The following SYT1 variants were observed in gnomAD, a reference collection of about 807,000 sequenced individuals.
The protein encoded by SYT1 is synaptotagmin 1, also known as synaptotagmin-1.
In SYT1, 8 loss-of-function variants were observed where a neutral mutation model predicts 44.8. The ratio of observed to expected loss-of-function variants is 0.18; its 90% CI spans 0.10 to 0.32. The LOEUF (loss-of-function observed/expected upper bound fraction) is 0.32. Ranked by LOEUF, SYT1 falls within the 10% of genes least tolerant of loss-of-function variation. SYT1 has a pLI of 1.00. For synonymous variants in SYT1, 154 were observed against 188.8 expected, an observed-to-expected ratio of 0.82 and a Z score of 1.51; for missense variants, 286 against 509.3, an observed-to-expected ratio of 0.56 and a Z score of 4.22.
At chr12:79,332,233 A>T (rs1335756187) in intron 8 of SYT1, among the ~76,000 whole-genome samples, 1 of 152,192 alleles carries the variant, frequency 6.6e-6, no homozygotes, top group Non-Finnish European at 1.5e-5. Flanking sequence ...ATTCAAATTC[A>T]CATCATACAT....
intron 1 of SYT1, among the ~76,000 whole-genome samples, chr12:78,954,372 T>C (rs1879111199): frequency 6.6e-6 from 1 of 152,098 alleles, no homozygotes; most frequent in African/African-American, 2.4e-5. Flanking sequence ...TTTGATTTTT[T>C]TCCACTTTTT....
chr12:79,366,143 G>A (rs1280209373), intron 9 of SYT1, among the ~76,000 whole-genome samples: 3 of 152,162 alleles, frequency 2.0e-5, no homozygotes, highest in African/African-American at 2.4e-5. Context: ...TGTCTTTAAT[G>A]TAGTGAAAAT....
chr12:79,130,160 A>G (rs1868715484), intron 3 of SYT1, among the ~76,000 whole-genome samples: 1 of 152,110 alleles, frequency 6.6e-6, no homozygotes, highest in Non-Finnish European at 1.5e-5. Context: ...TGGAAAGAAT[A>G]TTTTTTCAGG....
chr12:79,055,948 A>G (rs1264460919), intron 3 of SYT1, among the ~76,000 whole-genome samples: 2 of 152,048 alleles, frequency 1.3e-5, no homozygotes, highest in Non-Finnish European at 2.9e-5. Context: ...AGATTATAAT[A>G]TCAGATTTTT....
intron 9 of SYT1, among the ~76,000 whole-genome samples, chr12:79,388,349 G>A (rs1186224002): frequency 6.6e-6 from 1 of 152,158 alleles, no homozygotes; most frequent in Non-Finnish European, 1.5e-5. Context: ...CTTTAAGGGG[G>A]AAAAGTCTGC....
intron 4 of SYT1, among the ~76,000 whole-genome samples, chr12:79,243,691 T>G (rs1432150348): frequency 6.6e-6 from 1 of 152,008 alleles, no homozygotes; most frequent in African/African-American, 2.4e-5. Flanking sequence ...AAACCTCTAC[T>G]CCTTAAATGT....
intron 1 of SYT1, among the ~76,000 whole-genome samples, chr12:78,877,813 G>A (rs941923503): frequency 2.0e-4 from 31 of 151,702 alleles, no homozygotes; most frequent in African/African-American, 6.8e-4. Context: ...ATTTTTTGTA[G>A]AGACAGGGTC....
intron 4 of SYT1, among the ~76,000 whole-genome samples, chr12:79,263,299 C>G (rs1367928215): frequency 6.9e-6 from 1 of 145,808 alleles, no homozygotes; most frequent in Admixed American, 6.9e-5. Context: ...GTCCAGAGTT[C>G]TACTATTTTC....
chr12:79,129,606 C>T (rs1028889965), intron 3 of SYT1, among the ~76,000 whole-genome samples: 1 of 152,088 alleles, frequency 6.6e-6, no homozygotes, highest in African/African-American at 2.4e-5. Context: ...TCTAATTCAC[C>T]ATATTTGAGT....
At chr12:78,945,400 A>T (rs188527081) in intron 1 of SYT1, among the ~76,000 whole-genome samples, 4 of 151,534 alleles carry the variant, frequency 2.6e-5, no homozygotes, top group African/African-American at 9.7e-5. Context: ...TATGATATGC[A>T]TATGTTATAC....
At chr12:79,135,253 C>A (rs1976940) in intron 3 of SYT1, among the ~76,000 whole-genome samples, 2 of 147,826 alleles carry the variant, frequency 1.4e-5, no homozygotes, top group African/African-American at 2.5e-5. Context: ...TCCCTCCCCC[C>A]TCCCCCCATC....
intron 4 of SYT1, among the ~76,000 whole-genome samples, chr12:79,234,500 A>C (rs1222107558): frequency 2.6e-5 from 4 of 152,152 alleles, no homozygotes; most frequent in Non-Finnish European, 5.9e-5. Flanking sequence ...CATTTCACTA[A>C]AATGGAACCA....
At chr12:79,183,832 C>T (rs1187140300) in intron 3 of SYT1, among the ~76,000 whole-genome samples, 1 of 152,046 alleles carries the variant, frequency 6.6e-6, no homozygotes, top group African/African-American at 2.4e-5. Context: ...GAGTTCTGTG[C>T]CTGCTGGGCA....
At chr12:79,262,508 T>G (rs1877888876) in intron 4 of SYT1, among the ~76,000 whole-genome samples, 1 of 152,248 alleles carries the variant, frequency 6.6e-6, no homozygotes, top group Admixed American at 6.5e-5. Context: ...TAGAAGTTTC[T>G]GGAAGTGTGT....
At chr12:79,045,093 C>G (rs1405477808) in intron 2 of SYT1, among the ~76,000 whole-genome samples, 1 of 152,070 alleles carries the variant, frequency 6.6e-6, no homozygotes, top group Non-Finnish European at 1.5e-5. Flanking sequence ...TGCCCTGCCC[C>G]CAGAGGTGGA....
At chr12:78,934,118 A>C (rs1271406703) in intron 1 of SYT1, among the ~76,000 whole-genome samples, 1 of 151,656 alleles carries the variant, frequency 6.6e-6, no homozygotes, top group South Asian at 2.1e-4. Context: ...GTGTATATAC[A>C]TATGTGTGTG....
At chr12:79,388,874 A>G (rs1268910463) in intron 9 of SYT1, among the ~76,000 whole-genome samples, 1 of 152,236 alleles carries the variant, frequency 6.6e-6, no homozygotes, top group Non-Finnish European at 1.5e-5. Context: ...CTACATCATT[A>G]CATCACACAT....
At chr12:79,128,617 C>T (rs980742867) in intron 3 of SYT1, among the ~76,000 whole-genome samples, 1 of 152,182 alleles carries the variant, frequency 6.6e-6, no homozygotes, top group African/African-American at 2.4e-5. Flanking sequence ...CTATTAAAAT[C>T]ATCAACATGC....
intron 8 of SYT1, among the ~76,000 whole-genome samples, chr12:79,332,585 A>G (rs1054339653): frequency 6.6e-6 from 1 of 152,240 alleles, no homozygotes; most frequent in African/African-American, 2.4e-5. Context: ...TCAAAGGAAT[A>G]AAAGTCAGTA....
Sources: allele counts gnomAD v4.1 joint callset (sites outside exome capture counted in the v4.1 genomes callset), GRCh38; gene constraint gnomAD v4.1.1; transcripts MANE v1.5; gene names NCBI Gene and HGNC (gene_info 2026-07-23, HGNC 2026-07-21).